Variants in ZNF536 observed in about 807,000 individuals in gnomAD.
ZNF536 encodes zinc finger protein 536.
Under a neutral mutation model 84.5 loss-of-function variants are expected in ZNF536, and 13 were observed. The ratio of observed to expected loss-of-function variants is 0.15; its 90% CI spans 0.10 to 0.24. ZNF536 has a LOEUF of 0.24. ZNF536 is among the 10% of genes least tolerant of loss of function. ZNF536 has a pLI of 1.00. For missense variants in ZNF536, 1,536 were observed against 1,747.5 expected (o/e 0.88, Z 2.16); for synonymous variants, 811 against 742.5 (o/e 1.09, Z -1.50).
intron 1 of ZNF536, among the ~76,000 whole-genome samples, chr19:30,274,742 A>G (rs1023052417): frequency 7.2e-5 from 11 of 152,180 alleles, no homozygotes; most frequent in African/African-American, 2.7e-4. Flanking sequence ...AGATGTCTGA[A>G]CATTCGAGTG....
At chr19:30,506,720 G>C (rs1200403731) in intron 2 of ZNF536, among the ~76,000 whole-genome samples, 1 of 152,126 alleles carries the variant, frequency 6.6e-6, no homozygotes, top group Non-Finnish European at 1.5e-5. Flanking sequence ...AGCTGATTGG[G>C]CCTCGAGTAA....
chr19:30,361,418 A>G (rs1179089215), intron 3 of ZNF536, among the ~76,000 whole-genome samples: 1 of 137,906 alleles, frequency 7.3e-6, no homozygotes, highest in Non-Finnish European at 1.6e-5. Context: ...TTTATGTCAT[A>G]TTTTTTTCCC....
intron 1 of ZNF536, among the ~76,000 whole-genome samples, chr19:30,576,181 CGA>C (rs2046728155): frequency 6.6e-6 from 1 of 152,122 alleles, no homozygotes; most frequent in African/African-American, 2.4e-5. Flanking sequence ...GAGCATGAGA[CGA>C]TTTGGAGAGA....
chr19:30,285,082 G>T (rs181359795), intron 2 of ZNF536, among the ~76,000 whole-genome samples: 41 of 152,270 alleles, frequency 2.7e-4, no homozygotes, highest in African/African-American at 9.1e-4. Flanking sequence ...TTTCAGTGGG[G>T]CTGTCAGTGC....
intron 1 of ZNF536, among the ~76,000 whole-genome samples, chr19:30,606,554 C>A (rs1165739403): frequency 6.6e-6 from 1 of 152,154 alleles, no homozygotes; most frequent in Non-Finnish European, 1.5e-5. Flanking sequence ...CGTTGGGAGG[C>A]CACTTCACCA....
intron 2 of ZNF536, among the ~76,000 whole-genome samples, chr19:30,451,009 T>C (rs1009379265): frequency 1.3e-5 from 2 of 152,358 alleles, no homozygotes; most frequent in African/African-American, 4.8e-5. Flanking sequence ...CCGCCGTGTT[T>C]GCGGAGATTT....
At position 30,413,626 on chromosome 19, in the gene ZNF536, C is replaced by T. The variant is rs911064529; in HGVS notation, c.-2-29935C>T. 2.6e-5 allele frequency among the ~76,000 whole-genome samples: 4 copies of T among 152,096 alleles called. No homozygotes were observed. The East Asian group carries it at 7.7e-4, about 29-fold the overall frequency. Reference sequence around the variant, plus strand: ...ACATTTATTTTTAAAGTCTAATTTCCTATCTGAGGAAGGCATGATAACCTT... The same window carrying T: ...ACATTTATTTTTAAAGTCTAATTTCTTATCTGAGGAAGGCATGATAACCTT... On this transcript the variant is annotated intron_variant, in intron 1 of 4. Transcript: ENST00000355537.
At chr19:30,622,704 AG>A (rs1445424860) in intron 1 of ZNF536, among the ~76,000 whole-genome samples, 1 of 152,188 alleles carries the variant, frequency 6.6e-6, no homozygotes, top group African/African-American at 2.4e-5. Context: ...ACGCAGCTGT[AG>A]GTTGAAGGCC....
intron 2 of ZNF536, among the ~76,000 whole-genome samples, chr19:30,469,637 A>G (rs2053553192): frequency 6.6e-6 from 1 of 152,160 alleles, no homozygotes. Flanking sequence ...AATTAATGGA[A>G]TGAAGCCATG....
intron 2 of ZNF536, among the ~76,000 whole-genome samples, chr19:30,508,626 G>T (rs1158556224): frequency 6.6e-6 from 1 of 151,810 alleles, no homozygotes; most frequent in Non-Finnish European, 1.5e-5. Flanking sequence ...ATTTCTAAGA[G>T]GCCTACAACA....
chr19:30,684,582 A>G (rs372158990), intron 1 of ZNF536, among the ~76,000 whole-genome samples: 1 of 152,232 alleles, frequency 6.6e-6, no homozygotes, highest in East Asian at 1.9e-4. Flanking sequence ...TCATGGCAAT[A>G]GAAAGGTTAA....
At position 30,599,482 on chromosome 19, in the gene ZNF536, C is replaced by CTTT. The variant is rs1386733420; in HGVS notation, c.169+49968_169+49969insTTT. Among the ~76,000 whole-genome samples the CTTT allele has an allele frequency of 7.4e-4, 82 of 111,550 alleles. 2 individuals carry two copies. The highest frequency in any genetic ancestry group is 2.7e-3 in the African/African-American group (77 of 28,722). The allele number at this position is 111,550 out of a possible 152,430, so 73.2% of individuals were successfully genotyped here. On this transcript the variant is annotated intron_variant, in intron 1 of 1. Transcript: ENST00000592773. ...TCCCTCCCTCCCTCCTTCCTTCCTT[C>CTTT]CCTCCTTCCTTCCTTCCCTCCTTCC...
intron 3 of ZNF536, among the ~76,000 whole-genome samples, chr19:30,544,093 A>G (rs1016636840): frequency 6.6e-6 from 1 of 152,194 alleles, no homozygotes; most frequent in Non-Finnish European, 1.5e-5. Flanking sequence ...TTCTTTGTGA[A>G]CATAAGTCCA....
chr19:30,649,860 T>C (rs2049631805), intron 1 of ZNF536, among the ~76,000 whole-genome samples: 1 of 152,134 alleles, frequency 6.6e-6, no homozygotes, highest in South Asian at 2.1e-4. Context: ...TGTTAGTTTA[T>C]ACTGGTTTAA....
chr19:30,312,966 T>A (rs543448846), intron 2 of ZNF536, among the ~76,000 whole-genome samples: 5 of 152,342 alleles, frequency 3.3e-5, no homozygotes, highest in Admixed American at 1.3e-4. Context: ...TCCCCAGACA[T>A]CATGATGGCC....
chr19:30,524,517 T>C (rs760988090), intron 2 of ZNF536, among the ~76,000 whole-genome samples: 1 of 152,298 alleles, frequency 6.6e-6, no homozygotes, highest in Non-Finnish European at 1.5e-5. Flanking sequence ...GCAAGACACA[T>C]CTCTAGGGGA....
At chr19:30,544,321 G>C (rs2045457694) in intron 3 of ZNF536, among the ~76,000 whole-genome samples, 1 of 152,182 alleles carries the variant, frequency 6.6e-6, no homozygotes, top group South Asian at 2.1e-4. Context: ...ACCTTGCATA[G>C]CACGTGCATT....
chr19:30,587,354 T>G (rs777585910), intron 1 of ZNF536, among the ~76,000 whole-genome samples: 14 of 152,202 alleles, frequency 9.2e-5, no homozygotes, highest in Non-Finnish European at 1.8e-4. Flanking sequence ...GCTTTAATAG[T>G]TAACAACAAA....
chr19:30,662,404 A>G (rs1459313539), intron 1 of ZNF536, among the ~76,000 whole-genome samples: 6 of 152,174 alleles, frequency 3.9e-5, no homozygotes, highest in Non-Finnish European at 5.9e-5. Flanking sequence ...ATTATGTTAC[A>G]TTGTTACTGA....
Sources: allele counts gnomAD v4.1 joint callset (sites outside exome capture counted in the v4.1 genomes callset), GRCh38; gene constraint gnomAD v4.1.1; transcripts MANE v1.5; gene names NCBI Gene and HGNC (gene_info 2026-07-23, HGNC 2026-07-21).